Variants in CSMD1 observed in about 807,000 individuals in gnomAD.
The protein encoded by CSMD1 is CUB and sushi domain-containing protein 1.
A neutral mutation model predicts 417.5 loss-of-function variants in CSMD1; 213 were observed. That is an observed-to-expected ratio of 0.51 (90% CI 0.46 to 0.57). The LOEUF is 0.57. CSMD1 is among the 20% of genes least tolerant of loss of function. The probability of loss-of-function intolerance (pLI) is 0.00; values close to 1 mark genes in which losing one functional copy is unlikely to be tolerated. For missense variants in CSMD1, 6,923 were observed against 4,529.7 expected (o/e 1.53, Z -15.17); for synonymous variants, 2,862 against 1,736.8 (o/e 1.65, Z -16.11).
chr8:3,412,975 C>A (rs1402602689), intron 12 of CSMD1, among the ~76,000 whole-genome samples: 2 of 152,176 alleles, frequency 1.3e-5, no homozygotes, highest in Non-Finnish European at 2.9e-5. Context: ...TCTGTGCAGT[C>A]AGGAGTCCAG....
At chr8:3,171,954 T>C (rs774959271) in intron 37 of CSMD1, among the ~76,000 whole-genome samples, 1 of 152,180 alleles carries the variant, frequency 6.6e-6, no homozygotes, top group East Asian at 1.9e-4. Flanking sequence ...TCCCTTTCTG[T>C]AGCATGCTTC....
intron 2 of CSMD1, among the ~76,000 whole-genome samples, chr8:4,531,408 T>C (rs1262547829): frequency 6.6e-6 from 1 of 152,234 alleles, no homozygotes; most frequent in Admixed American, 6.5e-5. Flanking sequence ...ATTTGGGTTT[T>C]AATCTCAACT....
chr8:4,721,226 A>G (rs953786953), intron 1 of CSMD1, among the ~76,000 whole-genome samples: 2 of 152,166 alleles, frequency 1.3e-5, no homozygotes, highest in Admixed American at 6.5e-5. Flanking sequence ...AAACATAGGA[A>G]TTGTGTTTTC....
intron 2 of CSMD1, among the ~76,000 whole-genome samples, chr8:4,530,717 T>A (rs1796769068): frequency 6.6e-6 from 1 of 151,356 alleles, no homozygotes; most frequent in Non-Finnish European, 1.5e-5. Context: ...GGTGTATATG[T>A]GCCACATTTT....
At chr8:4,053,811 GC>G (rs1798556949) in intron 3 of CSMD1, among the ~76,000 whole-genome samples, 1 of 152,122 alleles carries the variant, frequency 6.6e-6, no homozygotes, top group South Asian at 2.1e-4. Context: ...AATGCCTAAA[GC>G]TTTACAAAAA....
Position 3,930,599 on chromosome 8 carries a change from G to A in CSMD1, c.818+67304C>T, listed in dbSNP as rs183264753. ...AGGTCCCGTTCCAGCCAAAGGAAACGGGACACAGCAGTAGGGTGGCCGTGT... is the reference window on the plus strand; with the variant it reads ...AGGTCCCGTTCCAGCCAAAGGAAACAGGACACAGCAGTAGGGTGGCCGTGT... On this transcript the variant is annotated intron_variant, in intron 5 of 69. Coordinates refer to ENST00000635120, the MANE Select transcript of CSMD1 (RefSeq NM_033225.6). Among the ~76,000 whole-genome samples, 398 of 150,412 alleles carry A rather than the reference G, an allele frequency of 2.6e-3. 21 individuals carry two copies. The highest frequency in any genetic ancestry group is 3.6e-3 in the Non-Finnish European group (240 of 67,518).
intron 3 of CSMD1, among the ~76,000 whole-genome samples, chr8:4,359,955 T>C (rs1441773297): frequency 6.6e-6 from 1 of 152,202 alleles, no homozygotes; most frequent in African/African-American, 2.4e-5. Flanking sequence ...ACTGGAGATC[T>C]TCCACATGGT....
At chr8:4,886,997 T>C (rs541291612) in intron 1 of CSMD1, among the ~76,000 whole-genome samples, 1 of 152,074 alleles carries the variant, frequency 6.6e-6, no homozygotes, top group Non-Finnish European at 1.5e-5. Context: ...AACTCTTATA[T>C]ATTTCCTTCC....
intron 10 of CSMD1, among the ~76,000 whole-genome samples, chr8:3,535,744 A>G (rs577096189): frequency 1.3e-5 from 2 of 152,272 alleles, no homozygotes; most frequent in South Asian, 2.1e-4. Context: ...TTAACCTTCA[A>G]TTATGTAGTG....
At chr8:2,998,646 T>C (rs371383531) in intron 53 of CSMD1, among the ~76,000 whole-genome samples, 2 of 152,206 alleles carry the variant, frequency 1.3e-5, no homozygotes, top group South Asian at 2.1e-4. Context: ...ATTATTGCAA[T>C]ATCAATTTAC....
At chr8:4,949,604 C>G (rs1186504881) in intron 1 of CSMD1, among the ~76,000 whole-genome samples, 1 of 152,270 alleles carries the variant, frequency 6.6e-6, no homozygotes, top group South Asian at 2.1e-4. Context: ...AATGCCCAGT[C>G]AATTGCCCTT....
chr8:3,298,047 C>T (rs1164069183), intron 25 of CSMD1, among the ~76,000 whole-genome samples: 1 of 151,998 alleles, frequency 6.6e-6, no homozygotes, highest in African/African-American at 2.4e-5. Context: ...GGTACCACAC[C>T]CCCAGTAGAA....
intron 33 of CSMD1, among the ~76,000 whole-genome samples, chr8:3,196,115 A>G (rs1796689612): frequency 6.6e-6 from 1 of 152,208 alleles, no homozygotes; most frequent in Non-Finnish European, 1.5e-5. Flanking sequence ...TGGCGACTAA[A>G]GTGACCTGTG....
At chr8:4,492,148 G>A (rs993989208) in intron 2 of CSMD1, among the ~76,000 whole-genome samples, 2 of 152,156 alleles carry the variant, frequency 1.3e-5, no homozygotes, top group African/African-American at 4.8e-5. Flanking sequence ...CCACGCTAGA[G>A]CACAGGAGTG....
chr8:3,311,396 C>G (rs998751868), intron 23 of CSMD1, among the ~76,000 whole-genome samples: 10 of 152,016 alleles, frequency 6.6e-5, no homozygotes, highest in African/African-American at 2.4e-4. Flanking sequence ...ACTATAAGTG[C>G]GAGCCATCAC....
intron 2 of CSMD1, among the ~76,000 whole-genome samples, chr8:4,565,622 C>A (rs1798559680): frequency 6.6e-6 from 1 of 151,582 alleles, no homozygotes; most frequent in Non-Finnish European, 1.5e-5. Context: ...GTAGTCCCAG[C>A]TACTCAGGAG....
intron 5 of CSMD1, among the ~76,000 whole-genome samples, chr8:3,898,893 A>G (rs535574085): frequency 6.6e-6 from 1 of 152,202 alleles, no homozygotes; most frequent in Non-Finnish European, 1.5e-5. Flanking sequence ...TAGGGGTTAC[A>G]GTCATTTTAA....
chr8:4,073,485 T>G (rs34877391), intron 3 of CSMD1, among the ~76,000 whole-genome samples: 1 of 152,186 alleles, frequency 6.6e-6, no homozygotes, highest in Non-Finnish European at 1.5e-5. Context: ...ATTTTCTGGC[T>G]GTCCTCATCC....
chr8:4,596,812 A>G (rs182433379), intron 2 of CSMD1, among the ~76,000 whole-genome samples: 151 of 152,326 alleles, frequency 9.9e-4, no homozygotes, highest in African/African-American at 3.5e-3. Context: ...CAGAATACCC[A>G]CATATTGTGG....
Sources: allele counts gnomAD v4.1 joint callset (sites outside exome capture counted in the v4.1 genomes callset), GRCh38; gene constraint gnomAD v4.1.1; transcripts MANE v1.5; gene names NCBI Gene and HGNC (gene_info 2026-07-23, HGNC 2026-07-21).